Variants in GRIK4 observed in about 807,000 individuals in gnomAD.
GRIK4 encodes glutamate receptor ionotropic, kainate 4.
In GRIK4, 40 loss-of-function variants were observed where a neutral mutation model predicts 104.9. The observed-to-expected ratio is 0.38, with a 90% CI of 0.30 to 0.50. GRIK4 has a LOEUF of 0.50. GRIK4 is among the 20% of genes least tolerant of loss of function. The probability of loss-of-function intolerance (pLI) is 0.93; values close to 1 mark genes in which losing one functional copy is unlikely to be tolerated. For missense variants in GRIK4, 1,047 were observed against 1,308.1 expected, an observed-to-expected ratio of 0.80 and a Z score of 3.08; for synonymous variants, 485 against 524.9, an observed-to-expected ratio of 0.92 and a Z score of 1.04.
At chr11:120,609,082 G>A (rs1948999341) in intron 1 of GRIK4, among the ~76,000 whole-genome samples, 1 of 152,154 alleles carries the variant, frequency 6.6e-6, no homozygotes, top group Non-Finnish European at 1.5e-5. Flanking sequence ...GTCATATTTA[G>A]TCTGGCTCAA....
At chr11:120,877,041 C>T (rs1270046352) in intron 11 of GRIK4, among the ~76,000 whole-genome samples, 1 of 152,164 alleles carries the variant, frequency 6.6e-6, no homozygotes, top group Non-Finnish European at 1.5e-5. Context: ...CCAGGTCACC[C>T]TTCTTGGAAG....
intron 3 of GRIK4, among the ~76,000 whole-genome samples, chr11:120,789,502 T>C (rs957020728): frequency 9.9e-5 from 15 of 152,132 alleles, no homozygotes; most frequent in African/African-American, 3.6e-4. Flanking sequence ...TCCTGGACTA[T>C]TAAAATAACC....
intron 1 of GRIK4, among the ~76,000 whole-genome samples, chr11:120,556,570 C>T (rs924752887): frequency 2.6e-5 from 4 of 152,256 alleles, no homozygotes; most frequent in East Asian, 1.9e-4. Context: ...GGTGCGCCTA[C>T]GTTCTTTTGG....
chr11:120,684,716 C>CT (rs199982869), intron 3 of GRIK4, among the ~76,000 whole-genome samples: 46,890 of 148,084 alleles, frequency 0.32, 7,278 homozygotes, highest in East Asian at 0.37. Context: ...AATAAAGATG[C>CT]TTTTTTTTTT....
Position 120,982,136 on chromosome 11 carries a change from T to A in GRIK4, c.2426T>A (p.Phe809Tyr). 1 of 1,612,232 alleles carries A rather than the reference T, an allele frequency of 6.2e-7. No individual in the cohort carries two copies. The highest frequency in any genetic ancestry group is 8.5e-7 in the Non-Finnish European group (1 of 1,178,252). Residue 809 changes from phenylalanine to tyrosine, a missense_variant, in exon 20 of 21, where the codon TTT (phenylalanine) becomes TAT (tyrosine). Around this residue, in one of 3 missense-constraint regions of GRIK4, gnomAD observed 440 missense variants for 652.3 expected, o/e 0.67. Coordinates refer to ENST00000527524, the MANE Select transcript of GRIK4 (RefSeq NM_014619.5). ...GLGMENIGGI[F>Y]VVLICGLIVA... ...GGAATGGAGAATATTGGTGGAATCTTTGTGGTTCTTATTTGTGGCTTAATC... is the reference window on the plus strand; with the variant it reads ...GGAATGGAGAATATTGGTGGAATCTATGTGGTTCTTATTTGTGGCTTAATC...
At chr11:120,854,283 A>G (rs1156278724) in intron 8 of GRIK4, among the ~76,000 whole-genome samples, 1 of 152,238 alleles carries the variant, frequency 6.6e-6, no homozygotes, top group Admixed American at 6.5e-5. Context: ...GAAAGCAGGC[A>G]AGAAATGAGG....
At chr11:120,790,545 C>T (rs1952373712) in intron 3 of GRIK4, among the ~76,000 whole-genome samples, 1 of 152,132 alleles carries the variant, frequency 6.6e-6, no homozygotes, top group Admixed American at 6.5e-5. Context: ...AAGCAGCATG[C>T]TGTATTCAGT....
chr11:120,846,771 A>T (rs1294895716), intron 8 of GRIK4, among the ~76,000 whole-genome samples: 1 of 152,178 alleles, frequency 6.6e-6, no homozygotes. Context: ...AGACCTTTCA[A>T]CTCTGAAATT....
intron 3 of GRIK4, among the ~76,000 whole-genome samples, chr11:120,690,547 G>T (rs113226523): frequency 2.0e-5 from 3 of 152,364 alleles, no homozygotes; most frequent in African/African-American, 7.2e-5. Flanking sequence ...CAGCCAGGCA[G>T]CTGGAGCCAG....
chr11:120,586,416 A>G (rs1356800952), intron 1 of GRIK4, among the ~76,000 whole-genome samples: 3 of 152,156 alleles, frequency 2.0e-5, no homozygotes, highest in Non-Finnish European at 2.9e-5. Flanking sequence ...GGGCCAGTTC[A>G]GGAAGGGCCT....
At chr11:120,729,098 T>C (rs1951083437) in intron 3 of GRIK4, among the ~76,000 whole-genome samples, 1 of 152,238 alleles carries the variant, frequency 6.6e-6, no homozygotes, top group Non-Finnish European at 1.5e-5. Context: ...TATTATCTCA[T>C]TTTTTATGGC....
intron 3 of GRIK4, among the ~76,000 whole-genome samples, chr11:120,697,767 C>T (rs948883395): frequency 3.3e-5 from 5 of 152,180 alleles, no homozygotes; most frequent in East Asian, 3.9e-4. Context: ...ACTCCTAGGG[C>T]GTGATTTATA....
At position 120,960,859 on chromosome 11, in the gene GRIK4, C is replaced by T. The variant is rs376722553; in HGVS notation, c.1875-50C>T. 77 of 1,520,256 alleles carry T rather than the reference C, an allele frequency of 5.1e-5. No individual in the cohort carries two copies. The African/African-American group carries it at 1.0e-3, about 20-fold the overall frequency. The allele number at this position is 1,520,256 out of a possible 1,614,324, so 94.2% of individuals were successfully genotyped here. ...GCAGGACTGGGGTCAGGGGCCAAGACTCCAGGGAGTGCCCGGGCAATGATG... is the reference window on the plus strand; with the variant it reads ...GCAGGACTGGGGTCAGGGGCCAAGATTCCAGGGAGTGCCCGGGCAATGATG... On this transcript the variant is annotated intron_variant, in intron 16 of 20. Coordinates refer to ENST00000527524, the MANE Select transcript of GRIK4 (RefSeq NM_014619.5).
chr11:120,782,618 G>A (rs1952181263), intron 3 of GRIK4, among the ~76,000 whole-genome samples: 1 of 152,176 alleles, frequency 6.6e-6, no homozygotes, highest in Non-Finnish European at 1.5e-5. Flanking sequence ...CAGACATTGG[G>A]ATGCTCTGAG....
In GRIK4 at chr11:120,939,932, A is replaced by T. The variant is rs1040672895; in HGVS notation, c.1477-415A>T. ...GAGGCAGAGGTTGCGGCGAGCCGAGATGGCGCCACTGCACTCCAGCCTGGG... is the reference window on the plus strand; with the variant it reads ...GAGGCAGAGGTTGCGGCGAGCCGAGTTGGCGCCACTGCACTCCAGCCTGGG... On this transcript the variant is annotated intron_variant, in intron 13 of 20. Coordinates refer to ENST00000527524, the MANE Select transcript of GRIK4 (RefSeq NM_014619.5). This position sits in a 1 kb window ranked among gnomAD's most constrained non-coding sequence, Gnocchi z 5.6. Among the ~76,000 whole-genome samples the T allele has an allele frequency of 1.4e-4, 22 of 151,890 alleles. No individual in the cohort carries two copies.
intron 13 of GRIK4, among the ~76,000 whole-genome samples, chr11:120,932,991 C>G (rs893865858): frequency 3.3e-5 from 5 of 152,208 alleles, no homozygotes; most frequent in African/African-American, 1.2e-4. Context: ...TCATTCTCCC[C>G]AAAGGAGAAT....
chr11:120,637,074 G>A (rs565814477), intron 1 of GRIK4, among the ~76,000 whole-genome samples: 1 of 152,250 alleles, frequency 6.6e-6, no homozygotes, highest in South Asian at 2.1e-4. Context: ...GCCAGCAGGA[G>A]GGAAGAGTCG....
At chr11:120,621,552 C>T (rs577705501) in intron 1 of GRIK4, among the ~76,000 whole-genome samples, 1 of 152,220 alleles carries the variant, frequency 6.6e-6, no homozygotes, top group East Asian at 1.9e-4. Context: ...CCATCAGGAG[C>T]CAGAAAGAGT....
At chr11:120,736,277 A>G (rs760680299) in intron 3 of GRIK4, among the ~76,000 whole-genome samples, 3 of 152,114 alleles carry the variant, frequency 2.0e-5, no homozygotes, top group African/African-American at 4.8e-5. Flanking sequence ...CCAGAGTCCT[A>G]TCCTACTGTG....
Sources: gnomAD v4.1 joint callset for allele counts (sites outside exome capture counted in the v4.1 genomes callset) on GRCh38, gnomAD v4.1.1 for gene constraint, gnomAD v4.1.1 regional missense constraint, Gnocchi (gnomAD v3.1) non-coding constraint, MANE v1.5 for transcripts, NCBI Gene and HGNC (gene_info 2026-07-23, HGNC 2026-07-21) for gene names.